The following DDI2 variants were observed in gnomAD, a reference collection of about 807,000 sequenced individuals.
DDI2 encodes DDI proteasomal shuttling factor 2, also known as protein DDI1 homolog 2.
Under a neutral mutation model 48.1 loss-of-function variants are expected in DDI2, and 5 were observed. That is an observed-to-expected ratio of 0.10 (90% CI 0.05 to 0.22). DDI2 has a LOEUF of 0.22. Ranked by LOEUF, DDI2 falls within the 10% of genes least tolerant of loss-of-function variation. The pLI is 1.00. For missense variants in DDI2, 285 were observed against 506.2 expected, an observed-to-expected ratio of 0.56 and a Z score of 4.19; for synonymous variants, 205 against 183.6, an observed-to-expected ratio of 1.12 and a Z score of -0.94.
At chr1:15,631,904 C>G (rs1006543752) in intron 3 of DDI2, among the ~76,000 whole-genome samples, 7 of 151,890 alleles carry the variant, frequency 4.6e-5, no homozygotes, top group African/African-American at 1.7e-4. Flanking sequence ...CTCCTGGGTT[C>G]AAGCGATTCT....
intron 3 of DDI2, among the ~76,000 whole-genome samples, chr1:15,632,048 C>T (rs1639854416): frequency 6.6e-6 from 1 of 151,908 alleles, no homozygotes; most frequent in South Asian, 2.1e-4. Flanking sequence ...TCGTGATCCA[C>T]CCGTCTCGGC....
At chr1:15,656,896 C>A in intron 9 of DDI2, 3 of 522,854 alleles carry the variant, frequency 5.7e-6, no homozygotes, top group African/African-American at 2.0e-5. Flanking sequence ...TAGAACCATC[C>A]AACAGGGAGA....
At position 15,624,640 on chromosome 1, in the gene DDI2, A is replaced by AT. The variant is rs973659751; in HGVS notation, c.139-2017dup. 1.5e-4 allele frequency among the ~76,000 whole-genome samples: 22 copies of AT among 148,450 alleles called. No individual in the cohort carries two copies. In the East Asian group the frequency reaches 1.6e-3, roughly 11 times the overall value. ...ATGCTACCATGGCTGGCTATTTAAAATTTTTTTTTTTTAGATATGCGGTCT... is the reference window on the plus strand; with the variant it reads ...ATGCTACCATGGCTGGCTATTTAAAATTTTTTTTTTTTTAGATATGCGGTCT... On this transcript the variant is annotated intron_variant, in intron 1 of 9. Coordinates refer to ENST00000480945, the MANE Select transcript of DDI2 (RefSeq NM_032341.5).
In DDI2 at chr1:15,630,173, A is replaced by G. The variant is rs541632204; in HGVS notation, c.269-152A>G. On this transcript the variant is annotated intron_variant, in intron 2 of 9. Coordinates refer to ENST00000480945, the MANE Select transcript of DDI2 (RefSeq NM_032341.5). The stretch of plus-strand genomic sequence containing the variant: ...TTCACTCTCAGCCGGCAGTCTTTAT[A>G]TTCAGAGTCATCATGAGAAAGAACA... The G allele has an allele frequency of 2.7e-5, 20 of 732,912 alleles. No homozygotes were observed. In the South Asian group the frequency reaches 3.1e-4, roughly 11 times the overall value. 45.4% of individuals were successfully genotyped at this position (732,912 alleles called of 1,614,324 possible).
Position 15,643,520 on chromosome 1 carries a change from A to G in DDI2, c.761-2A>G. ...TTGTCTGATGTTTCTCTACTCCTCC[A>G]GGTGCCCAGATGACTATCATGAGCC... On this transcript the variant is annotated splice_acceptor_variant, in intron 5 of 9. Coordinates refer to ENST00000480945, the MANE Select transcript of DDI2 (RefSeq NM_032341.5). LOFTEE classifies it high-confidence loss of function. The G allele has an allele frequency of 6.2e-7, 1 of 1,611,330 alleles. No homozygotes were observed. The highest frequency in any genetic ancestry group is 8.5e-7 in the Non-Finnish European group (1 of 1,179,076).
chr1:15,652,058 C>CTTTTTTTTTTTTTTTTTTTTTTTTTTT (rs772990709), intron 8 of DDI2, among the ~76,000 whole-genome samples, 163 bp downstream of exon 8: 4 of 75,978 alleles, frequency 5.3e-5, no homozygotes, highest in African/African-American at 2.6e-4. Context: ...TTTGATCTTC[C>CTTTTTTTTTTTTTTTTTTTTTTTTTTT]TTTTTTTTTT....
chr1:15,617,996 AGCATG>A (rs1329263301), intron 1 of DDI2, among the ~76,000 whole-genome samples, 188 bp downstream of exon 1: 2 of 152,194 alleles, frequency 1.3e-5, no homozygotes, highest in Non-Finnish European at 2.9e-5. Flanking sequence ...ACACACTCCG[AGCATG>A]GGGTGGGGTA....
At chr1:15,657,167 A>T (rs1264965066) in intron 9 of DDI2, among the ~76,000 whole-genome samples, 2 of 152,198 alleles carry the variant, frequency 1.3e-5, no homozygotes, top group Non-Finnish European at 2.9e-5. Context: ...GTCAGGGGTG[A>T]CTCTGAACAA....
At chr1:15,648,945 G>GT (rs747599610) in intron 6 of DDI2, among the ~76,000 whole-genome samples, 3 of 151,984 alleles carry the variant, frequency 2.0e-5, no homozygotes, top group Non-Finnish European at 4.4e-5. Flanking sequence ...TTAAAAATAG[G>GT]TCATCTGCTG....
At chr1:15,618,136 C>G (rs986256323) in intron 1 of DDI2, among the ~76,000 whole-genome samples, 1 of 152,068 alleles carries the variant, frequency 6.6e-6, no homozygotes, top group African/African-American at 2.4e-5. Context: ...TTTCTAATCC[C>G]GAGTGTAGGA....
At chr1:15,625,799 A>C (rs1002612207) in intron 1 of DDI2, among the ~76,000 whole-genome samples, 1 of 152,136 alleles carries the variant, frequency 6.6e-6, no homozygotes, top group African/African-American at 2.4e-5. Context: ...TTGTATTTTT[A>C]GTAGAGACGG....
chr1:15,629,519 C>T (rs573982989), intron 2 of DDI2, among the ~76,000 whole-genome samples: 1 of 151,208 alleles, frequency 6.6e-6, no homozygotes, highest in African/African-American at 2.4e-5. Context: ...ATCACTTGAA[C>T]CCAGGAGGCA....
intron 9 of DDI2, 162 bp downstream of exon 9, chr1:15,656,841 C>T (rs1025198496): frequency 3.3e-6 from 3 of 905,738 alleles, no homozygotes; most frequent in Admixed American, 3.0e-5. Flanking sequence ...GGCATGCATA[C>T]ATGGATATGT....
chr1:15,637,248 G>A (rs927166163), intron 4 of DDI2, among the ~76,000 whole-genome samples: 6 of 152,140 alleles, frequency 3.9e-5, no homozygotes, highest in African/African-American at 1.4e-4. Flanking sequence ...GGAGAGATGG[G>A]GTTTCACCAT....
intron 5 of DDI2, among the ~76,000 whole-genome samples, chr1:15,641,955 C>CAA (rs57716922): frequency 1.5e-4 from 12 of 79,248 alleles, no homozygotes; most frequent in Admixed American, 3.1e-4. Flanking sequence ...AATTCAGTCT[C>CAA]AAAAAAAAAA....
chr1:15,621,480 G>A (rs1021601722), intron 1 of DDI2, among the ~76,000 whole-genome samples: 2 of 151,884 alleles, frequency 1.3e-5, no homozygotes, highest in African/African-American at 4.8e-5. Context: ...AACCTCCTGG[G>A]CTCAAGTGAT....
At position 15,661,527 on chromosome 1, in the gene DDI2, T is replaced by C; in HGVS notation, c.*1737T>C. The C allele has an allele frequency of 6.2e-7, 1 of 1,614,122 alleles. No individual in the cohort carries two copies. The highest frequency in any genetic ancestry group is 1.1e-5 in the South Asian group (1 of 91,016). On this transcript the variant is annotated 3_prime_UTR_variant, in exon 10 of 10. Transcript: ENST00000480945. ...ATGCTTCGAGGCCATTACTTGAATA[T>C]GAACCACCTACCAGCCATCCATCAT...
Position 15,651,750 on chromosome 1 carries a change from A to G in DDI2, c.1038A>G (p.Thr346=). Residue 346 remains threonine (T), a synonymous_variant, in exon 8 of 10, where the codon ACA becomes ACG. Transcript: ENST00000480945. The stretch of plus-strand genomic sequence containing the variant: ...AAAATGTACTCGTGATCGGCACCAC[A>G]GGCTCCCAGACCACCTTTCTTCCTG... ...LKKNVLVIGT[T]GSQTTFLPEG... The G allele has an allele frequency of 1.9e-6, 3 of 1,613,514 alleles. No homozygotes were observed. Among genetic ancestry groups the G allele is most frequent in the African/African-American group, 1.3e-5 (1 of 75,008 alleles).
intron 4 of DDI2, among the ~76,000 whole-genome samples, chr1:15,637,799 A>G (rs1438089961): frequency 1.3e-5 from 2 of 152,088 alleles, no homozygotes; most frequent in Non-Finnish European, 2.9e-5. Context: ...GATGCTTTGT[A>G]CCTCTTGGCA....
Sources: gnomAD v4.1 joint callset for allele counts (sites outside exome capture counted in the v4.1 genomes callset) on GRCh38, gnomAD v4.1.1 for gene constraint, MANE v1.5 for transcripts, NCBI Gene and HGNC (gene_info 2026-07-23, HGNC 2026-07-21) for gene names.